Variants in PATJ observed in about 807,000 individuals in gnomAD.
PATJ encodes PATJ crumbs cell polarity complex component.
A neutral mutation model predicts 224.9 loss-of-function variants in PATJ; 190 were observed. The observed-to-expected ratio is 0.84, with a 90% CI of 0.75 to 0.95. PATJ has a LOEUF of 0.95. Among genes scored for constraint, PATJ ranks in the 40% least tolerant of loss-of-function variants. The probability of loss-of-function intolerance (pLI) is 0.00; values close to 1 mark genes in which losing one functional copy is unlikely to be tolerated. For missense variants in PATJ, 2,121 were observed against 2,270.3 expected (o/e 0.93, Z 1.34); for synonymous variants, 769 against 820.3 (o/e 0.94, Z 1.07).
chr1:61,967,046 C>T (rs1682277031), intron 27 of PATJ, among the ~76,000 whole-genome samples: 1 of 152,164 alleles, frequency 6.6e-6, no homozygotes, highest in African/African-American at 2.4e-5. Flanking sequence ...ATGCCTTCAA[C>T]ATCTGGGAAT....
chr1:62,141,722 G>T (rs1306560432), intron 41 of PATJ, among the ~76,000 whole-genome samples: 1 of 149,782 alleles, frequency 6.7e-6, no homozygotes, highest in Non-Finnish European at 1.5e-5. Context: ...TGGGAGGCCA[G>T]CACTTTGGGA....
chr1:61,742,640 G>C (rs1450633330), intron 1 of PATJ, 85 bp downstream of exon 1: 1 of 151,662 alleles, frequency 6.6e-6, no homozygotes, highest in Non-Finnish European at 1.5e-5. Flanking sequence ...CAGCTCCCTC[G>C]GGGCTTCCCG....
At chr1:61,790,667 C>T (rs1228675274) in intron 8 of PATJ, among the ~76,000 whole-genome samples, 2 of 151,868 alleles carry the variant, frequency 1.3e-5, no homozygotes, top group Admixed American at 1.3e-4. Context: ...GCATGTGCCA[C>T]CATGCCTGGC....
At chr1:62,061,210 T>C (rs1655369056) in intron 31 of PATJ, among the ~76,000 whole-genome samples, 2 of 152,096 alleles carry the variant, frequency 1.3e-5, no homozygotes. Context: ...AGATTGAGTT[T>C]CACTCTTGTC....
chr1:62,128,993 A>T, intron 41 of PATJ, 48 bp downstream of exon 41: 1 of 1,318,632 alleles, frequency 7.6e-7, no homozygotes, highest in Non-Finnish European at 1.1e-6. Flanking sequence ...GATAAGTGGC[A>T]TGCAAAAAAG....
chr1:62,013,492 A>G (rs1646574994), intron 28 of PATJ: 2 of 985,136 alleles, frequency 2.0e-6, no homozygotes, highest in Non-Finnish European at 1.2e-6. Context: ...CTAGAGGAGG[A>G]TGTTGGCTCC....
intron 33 of PATJ, among the ~76,000 whole-genome samples, chr1:62,094,749 A>G (rs1358648413): frequency 2.0e-5 from 3 of 152,204 alleles, no homozygotes; most frequent in Non-Finnish European, 4.4e-5. Context: ...CAAATATTTC[A>G]AAACAGTAGG....
chr1:61,998,146 C>T (rs1645529994), intron 28 of PATJ, among the ~76,000 whole-genome samples: 1 of 149,130 alleles, frequency 6.7e-6, no homozygotes, highest in Non-Finnish European at 1.5e-5. Flanking sequence ...GTGGCATGAT[C>T]TCAGCTCACT....
intron 14 of PATJ, 80 bp downstream of exon 14, chr1:61,808,610 CAAACTCATAGGCT>C: frequency 1.2e-6 from 1 of 864,960 alleles, no homozygotes; most frequent in Non-Finnish European, 1.9e-6. Context: ...AGGTTGGTCT[CAAACTCATAGGCT>C]AAAGTGATCC....
chr1:61,763,132 A>G lies in PATJ; in HGVS notation c.142A>G (p.Asn48Asp), dbSNP rs1646059252. Residue 48 changes from asparagine to aspartate, a missense_variant, in exon 3 of 44, where the codon AAC (asparagine) becomes GAC (aspartate). Asn to Asp is a conservative substitution (Grantham distance 23, BLOSUM62 1). Coordinates refer to ENST00000642238, the MANE Select transcript of PATJ (RefSeq NM_001350145.3). ...FYETLKSPLF[N>D]QILTLQQSIK... The stretch of plus-strand genomic sequence containing the variant: ...TGAGACACTAAAGAGTCCTCTCTTC[A>G]ACCAGATACTCACACTTCAGCAGTC... 1 of 1,607,442 alleles carries G rather than the reference A, an allele frequency of 6.2e-7. No homozygotes were observed. Among genetic ancestry groups the G allele is most frequent in the African/African-American group, 1.3e-5 (1 of 74,952 alleles).
At chr1:61,947,951 C>T (rs1308802196) in intron 27 of PATJ, among the ~76,000 whole-genome samples, 2 of 152,150 alleles carry the variant, frequency 1.3e-5, no homozygotes, top group African/African-American at 4.8e-5. Flanking sequence ...CTGACAAAAA[C>T]ATGAAATGGG....
intron 14 of PATJ, among the ~76,000 whole-genome samples, chr1:61,821,670 A>G (rs1012681335): frequency 6.6e-6 from 1 of 152,214 alleles, no homozygotes; most frequent in Non-Finnish European, 1.5e-5. Context: ...AGAGAGCCAC[A>G]TGGTAGATGC....
chr1:61,823,099 A>G lies in PATJ; in HGVS notation c.1818+20A>G. 2 of 1,613,430 alleles carry G rather than the reference A, an allele frequency of 1.2e-6. No homozygotes were observed. The highest frequency in any genetic ancestry group is 2.2e-5 in the East Asian group (1 of 44,868). On this transcript the variant is annotated intron_variant, in intron 15 of 43. Transcript: ENST00000642238. The stretch of plus-strand genomic sequence containing the variant: ...CTTGAGGTAAAATTTATGGGGAAAG[A>G]AAGACACAGGCAAGAATCTGTAAGT...
At chr1:62,043,493 G>A (rs1651913788) in intron 30 of PATJ, among the ~76,000 whole-genome samples, 1 of 152,214 alleles carries the variant, frequency 6.6e-6, no homozygotes, top group Non-Finnish European at 1.5e-5. Context: ...GAAGTATTAA[G>A]TAATGTTTAT....
chr1:61,899,335 A>C (rs1432734288), intron 22 of PATJ, among the ~76,000 whole-genome samples: 1 of 152,240 alleles, frequency 6.6e-6, no homozygotes, highest in Non-Finnish European at 1.5e-5. Flanking sequence ...TTTAGTGTCT[A>C]GAATATCACT....
intron 22 of PATJ, among the ~76,000 whole-genome samples, chr1:61,891,419 A>G (rs1669593787): frequency 6.6e-6 from 1 of 152,128 alleles, no homozygotes; most frequent in Non-Finnish European, 1.5e-5. Flanking sequence ...GAGATGGAAG[A>G]AAAGGGAGAG....
intron 33 of PATJ, among the ~76,000 whole-genome samples, chr1:62,085,353 T>TA (rs144266069): frequency 2.9e-4 from 42 of 145,594 alleles, no homozygotes; most frequent in South Asian, 4.4e-4. Context: ...GACCTTGTCT[T>TA]AAAAAAAAAA....
chr1:61,865,407 T>A (rs558325446), intron 20 of PATJ: 1 of 151,810 alleles, frequency 6.6e-6, no homozygotes, highest in East Asian at 1.9e-4. Context: ...TTTTTTAAAT[T>A]TTTTTGTAGA....
intron 27 of PATJ, among the ~76,000 whole-genome samples, chr1:61,942,690 A>G (rs1571411257): frequency 6.6e-6 from 1 of 152,106 alleles, no homozygotes; most frequent in East Asian, 1.9e-4. Flanking sequence ...AGCTGGGATT[A>G]CAGGCACCCA....
Sources: allele counts gnomAD v4.1 joint callset (sites outside exome capture counted in the v4.1 genomes callset), GRCh38; gene constraint gnomAD v4.1.1; transcripts MANE v1.5; gene names NCBI Gene and HGNC (gene_info 2026-07-23, HGNC 2026-07-21).